Variants in HKDC1 observed in about 807,000 individuals in gnomAD.
HKDC1 encodes hexokinase domain containing 1, also known as hexokinase HKDC1.
A neutral mutation model predicts 96.6 loss-of-function variants in HKDC1; 66 were observed. The observed-to-expected ratio is 0.68, with a 90% CI of 0.56 to 0.84. HKDC1 has a LOEUF of 0.84. Ranked by LOEUF, HKDC1 falls within the 40% of genes least tolerant of loss-of-function variation. The pLI, the probability that HKDC1 is intolerant of heterozygous loss-of-function variation, is 0.00. For synonymous variants in HKDC1, 466 were observed against 473.1 expected, an observed-to-expected ratio of 0.98 and a Z score of 0.20; for missense variants, 1,211 against 1,208.1, an observed-to-expected ratio of 1.00 and a Z score of -0.04.
At chr10:69,261,419 C>T (rs953057369) in intron 16 of HKDC1, 125 bp downstream of exon 16, 48 of 811,750 alleles carry the variant, frequency 5.9e-5, no homozygotes, top group Non-Finnish European at 9.1e-5. Context: ...GGATTGCCTC[C>T]TGGGGCTGCT....
Position 69,258,972 on chromosome 10 carries a change from G to T in HKDC1, c.2216+13G>T, listed in dbSNP as rs1351407565. The T allele has an allele frequency of 2.6e-6, 4 of 1,536,726 alleles. No individual in the cohort carries two copies. In the South Asian group the frequency reaches 5.1e-5, roughly 20 times the overall value. ...CTGGCAAGCAGAGGTGAAGAGGGTGGATGTGTGCATTTATGTGGGTTGTGT... is the reference window on the plus strand; with the variant it reads ...CTGGCAAGCAGAGGTGAAGAGGGTGTATGTGTGCATTTATGTGGGTTGTGT... On this transcript the variant is annotated intron_variant, in intron 15 of 17. Coordinates refer to ENST00000354624, the MANE Select transcript of HKDC1 (RefSeq NM_025130.4).
At chr10:69,238,994 C>T in intron 4 of HKDC1, 48 bp from the exon 5 acceptor site, 1 of 1,391,362 alleles carries the variant, frequency 7.2e-7, no homozygotes, top group Non-Finnish European at 1.0e-6. Context: ...CTCAGTTGCA[C>T]ATCTCAGCAC....
intron 10 of HKDC1, among the ~76,000 whole-genome samples, chr10:69,249,890 A>G (rs1358079886): frequency 6.6e-6 from 1 of 152,144 alleles, no homozygotes; most frequent in Non-Finnish European, 1.5e-5. Context: ...CAGTCAGTGA[A>G]GCTGAAAGAG....
chr10:69,247,200 T>C (rs1843554933), intron 8 of HKDC1, among the ~76,000 whole-genome samples, 160 bp from the exon 9 acceptor site: 2 of 152,330 alleles, frequency 1.3e-5, no homozygotes, highest in South Asian at 4.1e-4. Flanking sequence ...GCTCAGTTAG[T>C]GGCAGCTGCT....
Position 69,266,701 on chromosome 10 carries a change from G to A in HKDC1, c.2698G>A (p.Ala900Thr). Residue 900 changes from alanine to threonine, a missense_variant, in exon 18 of 18, where the codon GCA becomes ACA. By Grantham distance (58) the Ala-to-Thr change is moderately conservative. Coordinates refer to ENST00000354624, the MANE Select transcript of HKDC1 (RefSeq NM_025130.4). ...MLSEDGSGKG[A>T]ALITAVAKRL... ...GTCAGAAGATGGCAGTGGAAAAGGG[G>A]CAGCACTGATCACTGCTGTGGCCAA... 6.2e-7 allele frequency: 1 copy of A among 1,614,154 alleles called. No individual in the cohort carries two copies. The highest frequency in any genetic ancestry group is 8.5e-7 in the Non-Finnish European group (1 of 1,180,000).
intron 12 of HKDC1, 108 bp downstream of exon 12, chr10:69,250,760 G>A: frequency 8.1e-7 from 1 of 1,235,362 alleles, no homozygotes; most frequent in Middle Eastern, 2.6e-4. Context: ...GGGATCTTGG[G>A]TTCAGGGCAG....
Position 69,246,216 on chromosome 10 carries a change from A to G in HKDC1, c.1013A>G (p.His338Arg), listed in dbSNP as rs1477687662. The G allele has an allele frequency of 1.2e-6, 2 of 1,613,992 alleles. No individual in the cohort carries two copies. ...ACTAAGGGCAAGATCGAAACACGGC[A>G]CGTGGCTGCCATGGAGAAGTAAGCA... ...LHTKGKIETR[H>R]VAAMEKYKEG... is the part of the protein sequence containing the mutation. Residue 338 changes from histidine (H) to arginine (R), a missense_variant, in exon 8 of 18, where the codon CAC (histidine) becomes CGC (arginine). His to Arg is a conservative substitution (Grantham distance 29). Coordinates refer to ENST00000354624, the MANE Select transcript of HKDC1 (RefSeq NM_025130.4).
intron 1 of HKDC1, among the ~76,000 whole-genome samples, chr10:69,222,075 AGCTGGGC>A (rs1589399077): frequency 3.9e-5 from 6 of 152,210 alleles, no homozygotes; most frequent in Admixed American, 3.9e-4. Flanking sequence ...TTTAAAAATT[AGCTGGGC>A]GTGGTGGAGT....
intron 4 of HKDC1, among the ~76,000 whole-genome samples, chr10:69,237,772 G>T (rs1009614087): frequency 6.6e-6 from 1 of 151,966 alleles, no homozygotes; most frequent in Non-Finnish European, 1.5e-5. Flanking sequence ...CGGCGCTGTG[G>T]TGCAGGAAAA....
intron 6 of HKDC1, among the ~76,000 whole-genome samples, chr10:69,242,442 A>AAC (rs1331286165): frequency 5.3e-5 from 8 of 151,858 alleles, no homozygotes; most frequent in Non-Finnish European, 2.9e-5. Flanking sequence ...AAAAAAAAAA[A>AAC]AAAAAAAACC....
intron 2 of HKDC1, among the ~76,000 whole-genome samples, chr10:69,227,947 T>C (rs1843187930): frequency 6.6e-6 from 1 of 152,234 alleles, no homozygotes. Context: ...GGCAAGTGTT[T>C]AGCCTCAGTT....
At chr10:69,254,500 C>G (rs1429361967) in intron 12 of HKDC1, among the ~76,000 whole-genome samples, 1 of 152,160 alleles carries the variant, frequency 6.6e-6, no homozygotes, top group Admixed American at 6.6e-5. Context: ...TCATTGAGCG[C>G]TGATTCCCTA....
chr10:69,235,463 A>G, intron 4 of HKDC1, among the ~76,000 whole-genome samples: 1 of 151,794 alleles, frequency 6.6e-6, no homozygotes, highest in Non-Finnish European at 1.5e-5. Flanking sequence ...GCAAACAAAA[A>G]ACAAACAAAA....
At chr10:69,226,491 A>T (rs530972539) in intron 1 of HKDC1, among the ~76,000 whole-genome samples, 8 of 150,956 alleles carry the variant, frequency 5.3e-5, no homozygotes, top group South Asian at 4.2e-4. Context: ...TACTAAAAAT[A>T]AAAATAAAAA....
intron 16 of HKDC1, chr10:69,262,082 T>G (rs1378321193): frequency 2.3e-6 from 1 of 441,620 alleles, no homozygotes; most frequent in South Asian, 1.6e-5. Flanking sequence ...TTGATGCATA[T>G]TGCCTGGATC....
intron 1 of HKDC1, among the ~76,000 whole-genome samples, chr10:69,222,095 G>A (rs372415502): frequency 1.3e-5 from 2 of 152,088 alleles, no homozygotes; most frequent in African/African-American, 2.4e-5. Context: ...GGTGGAGTGC[G>A]CCTGTAATCC....
intron 12 of HKDC1, among the ~76,000 whole-genome samples, chr10:69,255,700 T>A (rs890798623): frequency 2.0e-5 from 3 of 152,114 alleles, no homozygotes; most frequent in Non-Finnish European, 4.4e-5. Context: ...GTGGATCACT[T>A]GAGGTCAGGA....
At chr10:69,244,953 G>A (rs1306962282) in intron 7 of HKDC1, among the ~76,000 whole-genome samples, 1 of 151,734 alleles carries the variant, frequency 6.6e-6, no homozygotes, top group Non-Finnish European at 1.5e-5. Context: ...CAAGGCTGGA[G>A]TGCAGTGGTG....
intron 2 of HKDC1, among the ~76,000 whole-genome samples, chr10:69,228,823 G>A (rs1004243997): frequency 2.0e-5 from 3 of 151,672 alleles, no homozygotes; most frequent in Middle Eastern, 3.4e-3. Context: ...CCGAGATTGC[G>A]CCACTGCACT....
Sources: allele counts gnomAD v4.1 joint callset (sites outside exome capture counted in the v4.1 genomes callset), GRCh38; gene constraint gnomAD v4.1.1; transcripts MANE v1.5; gene names NCBI Gene and HGNC (gene_info 2026-07-23, HGNC 2026-07-21).